Variants in GRID1 observed in about 807,000 individuals in gnomAD.
The protein encoded by GRID1 is glutamate ionotropic receptor delta type subunit 1, also known as glutamate receptor ionotropic, delta-1.
In GRID1, 28 loss-of-function variants were observed where a neutral mutation model predicts 98.0. The ratio of observed to expected loss-of-function variants is 0.29; its 90% CI spans 0.21 to 0.39. GRID1 has a LOEUF of 0.39. Among genes scored for constraint, GRID1 ranks in the 10% least tolerant of loss-of-function variants. The pLI, the probability that GRID1 is intolerant of heterozygous loss-of-function variation, is 1.00. For synonymous variants in GRID1, 553 were observed against 538.5 expected, an observed-to-expected ratio of 1.03 and a Z score of -0.37; for missense variants, 1,111 against 1,340.5, an observed-to-expected ratio of 0.83 and a Z score of 2.67.
At chr10:85,616,785 T>C (rs1022625397) in intron 14 of GRID1, among the ~76,000 whole-genome samples, 5 of 152,172 alleles carry the variant, frequency 3.3e-5, no homozygotes, top group Admixed American at 1.3e-4. Flanking sequence ...AGAGGGATAA[T>C]AGCCACTTCC....
At chr10:86,324,928 T>G (rs966485029) in intron 2 of GRID1, among the ~76,000 whole-genome samples, 2 of 152,044 alleles carry the variant, frequency 1.3e-5, no homozygotes, top group Non-Finnish European at 2.9e-5. Flanking sequence ...AAGGGGCTGT[T>G]TATCAGACAA....
At chr10:86,019,096 C>G (rs1344334378) in intron 4 of GRID1, among the ~76,000 whole-genome samples, 3 of 152,202 alleles carry the variant, frequency 2.0e-5, no homozygotes, top group Non-Finnish European at 1.5e-5. Context: ...CAAGGTGAAG[C>G]CTTCCCTCTC....
rs1476933384 is a variant in GRID1, at chr10:85,602,167, A to ATG, written c.*104_*105dup. On this transcript the variant is annotated 3_prime_UTR_variant, in exon 16 of 16. Transcript: ENST00000327946. Reference sequence around the variant, plus strand: ...AAGAAAAATGAAAGAGTCTCTGTGTATGTGTGTGTGTGCGAGTGTGTGTGG... The same window carrying ATG: ...AAGAAAAATGAAAGAGTCTCTGTGTATGTGTGTGTGTGTGCGAGTGTGTGTGG... The ATG allele has an allele frequency of 4.3e-5, 27 of 625,046 alleles. No individual in the cohort carries two copies. The highest frequency in any genetic ancestry group is 5.6e-5 in the East Asian group (2 of 35,536). 38.7% of individuals were successfully genotyped at this position (625,046 alleles called of 1,614,324 possible).
intron 8 of GRID1, among the ~76,000 whole-genome samples, chr10:85,743,574 T>C (rs769463523): frequency 4.6e-5 from 7 of 152,164 alleles, no homozygotes; most frequent in Non-Finnish European, 8.8e-5. Context: ...AGGAGACTTT[T>C]AGTGGAACCA....
At chr10:85,913,540 A>C (rs1841569279) in intron 5 of GRID1, among the ~76,000 whole-genome samples, 1 of 152,240 alleles carries the variant, frequency 6.6e-6, no homozygotes, top group Non-Finnish European at 1.5e-5. Flanking sequence ...CTGTATCCCC[A>C]GCACTTTGGG....
At chr10:86,010,460 C>T (rs1390668594) in intron 4 of GRID1, among the ~76,000 whole-genome samples, 1 of 152,138 alleles carries the variant, frequency 6.6e-6, no homozygotes, top group African/African-American at 2.4e-5. Flanking sequence ...GGGACCAGAC[C>T]ATGTTGGCAG....
intron 2 of GRID1, among the ~76,000 whole-genome samples, chr10:86,209,112 A>G (rs1332595940): frequency 6.6e-6 from 1 of 152,274 alleles, no homozygotes; most frequent in Non-Finnish European, 1.5e-5. Flanking sequence ...TAAATAAAAC[A>G]TCAACATGCA....
chr10:86,293,230 T>C (rs1023577535), intron 2 of GRID1, among the ~76,000 whole-genome samples: 3 of 152,208 alleles, frequency 2.0e-5, no homozygotes, highest in African/African-American at 7.2e-5. Context: ...CTGTGGCCCA[T>C]GCAGGGCTGC....
chr10:85,973,206 GT>G (rs533938862), intron 4 of GRID1, among the ~76,000 whole-genome samples: 1 of 152,166 alleles, frequency 6.6e-6, no homozygotes, highest in South Asian at 2.1e-4. Flanking sequence ...TTGTATATTT[GT>G]AACAAATAAT....
At position 85,696,660 on chromosome 10, in the gene GRID1, TCTAA is replaced by T. The variant is rs1841398376; in HGVS notation, c.1997+26339_1997+26342del. Among the ~76,000 whole-genome samples, 3 of 152,064 alleles carry T rather than the reference TCTAA, an allele frequency of 2.0e-5. No homozygotes were observed. The South Asian group carries it at 6.2e-4, about 31-fold the overall frequency. On this transcript the variant is annotated intron_variant, in intron 12 of 15. Coordinates refer to ENST00000327946, the MANE Select transcript of GRID1 (RefSeq NM_017551.3). The stretch of plus-strand genomic sequence containing the variant: ...TAATTTTCGATGTTATTATATATAT[TCTAA>T]TTTTTTCTTTCAGATTACATTGAAC...
At chr10:86,250,944 T>C (rs1478682543) in intron 2 of GRID1, among the ~76,000 whole-genome samples, 2 of 152,222 alleles carry the variant, frequency 1.3e-5, no homozygotes, top group Non-Finnish European at 2.9e-5. Flanking sequence ...CAGATTGTTA[T>C]TGTGTCTGTG....
intron 4 of GRID1, among the ~76,000 whole-genome samples, chr10:86,115,797 G>GTACGATGTCTATTA (rs1399368120): frequency 6.6e-6 from 1 of 152,216 alleles, no homozygotes; most frequent in African/African-American, 2.4e-5. Flanking sequence ...TACCTGGGAG[G>GTACGATGTCTATTA]CCAAAACATG....
At chr10:86,283,624 A>T (rs1418944124) in intron 2 of GRID1, among the ~76,000 whole-genome samples, 1 of 151,296 alleles carries the variant, frequency 6.6e-6, no homozygotes, top group African/African-American at 2.4e-5. Flanking sequence ...GTACCTGCAT[A>T]CACATATCTG....
chr10:86,056,739 G>T (rs142917513), intron 4 of GRID1, among the ~76,000 whole-genome samples: 1 of 152,232 alleles, frequency 6.6e-6, no homozygotes, highest in Non-Finnish European at 1.5e-5. Flanking sequence ...GCAAAGCCAC[G>T]TGGTGGATCT....
Position 86,295,981 on chromosome 10 carries a change from G to A in GRID1, c.235+67960C>T, listed in dbSNP as rs143179506. Reference sequence around the variant, plus strand: ...TCCCTACCTTCTTGCTCCTCCTGTTGCCAGAGAGGTTTGAGGGGCTTAGCT... The same window carrying A: ...TCCCTACCTTCTTGCTCCTCCTGTTACCAGAGAGGTTTGAGGGGCTTAGCT... On this transcript the variant is annotated intron_variant, in intron 2 of 15. Coordinates refer to ENST00000327946, the MANE Select transcript of GRID1 (RefSeq NM_017551.3). Among the ~76,000 whole-genome samples the A allele has an allele frequency of 2.6e-4, 40 of 152,308 alleles. No individual in the cohort carries two copies. In the East Asian group the frequency reaches 7.1e-3, roughly 27 times the overall value.
chr10:86,270,267 A>C (rs1847165073), intron 2 of GRID1, among the ~76,000 whole-genome samples: 1 of 152,168 alleles, frequency 6.6e-6, no homozygotes, highest in African/African-American at 2.4e-5. Flanking sequence ...AACAGTGATC[A>C]GTAGCAGATT....
At chr10:85,807,228 T>C (rs537401990) in intron 8 of GRID1, among the ~76,000 whole-genome samples, 12 of 151,884 alleles carry the variant, frequency 7.9e-5, no homozygotes, top group Non-Finnish European at 1.6e-4. Flanking sequence ...CGCGCACCTG[T>C]AGTCTCAGCT....
chr10:85,967,422 T>A (rs1842351459), intron 4 of GRID1, among the ~76,000 whole-genome samples: 1 of 152,154 alleles, frequency 6.6e-6, no homozygotes, highest in Non-Finnish European at 1.5e-5. Context: ...CATCATATTA[T>A]CTAAAGTGTT....
chr10:85,619,791 T>A (rs986164462), intron 14 of GRID1, 76 bp downstream of exon 14: 55 of 1,136,330 alleles, frequency 4.8e-5, no homozygotes, highest in Non-Finnish European at 6.7e-5. Context: ...GGCTCTTATC[T>A]TCTAAGAGGT....
Sources: gnomAD v4.1 joint callset for allele counts (sites outside exome capture counted in the v4.1 genomes callset) on GRCh38, gnomAD v4.1.1 for gene constraint, MANE v1.5 for transcripts, NCBI Gene and HGNC (gene_info 2026-07-23, HGNC 2026-07-21) for gene names.